The following ZFP1 variants were observed in gnomAD, a reference collection of about 807,000 sequenced individuals.
ZFP1 encodes zinc finger protein 1 homolog.
In ZFP1, 32 loss-of-function variants were observed where a neutral mutation model predicts 38.5. That is an observed-to-expected ratio of 0.83 (90% confidence interval 0.63 to 1.12). ZFP1 has a LOEUF of 1.12. Among genes scored for constraint, ZFP1 ranks in the 50% most tolerant of loss-of-function variants. The pLI is 0.00. For missense variants in ZFP1, 616 were observed against 480.8 expected (o/e 1.28, Z -2.63); for synonymous variants, 245 against 168.8 (o/e 1.45, Z -3.50).
chr16:75,126,619 T>G, the ZFP1 span, among the ~76,000 whole-genome samples: 395 of 152,286 alleles, frequency 2.6e-3, 1 homozygote, highest in African/African-American at 9.0e-3. Context: ...GGCCTGCTGG[T>G]CTCAAAATCC....
chr16:75,125,114 C>T, the ZFP1 span, among the ~76,000 whole-genome samples: 27 of 151,928 alleles, frequency 1.8e-4, no homozygotes, highest in East Asian at 4.7e-3. Context: ...CAAAAATTAG[C>T]CAGGCATGGT....
At chr16:75,120,404 G>A in the ZFP1 span, among the ~76,000 whole-genome samples, 2 of 152,108 alleles carry the variant, frequency 1.3e-5, no homozygotes, top group African/African-American at 4.8e-5. Flanking sequence ...CTCCCTTTAA[G>A]GGAGAAACCT....
At chr16:75,148,314 A>G (rs374881708), upstream of ZFP1, among the ~76,000 whole-genome samples, 7 of 152,312 alleles carry the variant, frequency 4.6e-5, no homozygotes, top group African/African-American at 1.7e-4. Flanking sequence ...GGGAAAAAAG[A>G]AAACAGTGCA....
the ZFP1 span, among the ~76,000 whole-genome samples, chr16:75,124,837 T>TA: frequency 7.2e-6 from 1 of 139,306 alleles, no homozygotes; most frequent in Non-Finnish European, 1.5e-5. Flanking sequence ...AAAAGAGATG[T>TA]AAAAAAAAGT....
intron 2 of ZFP1, among the ~76,000 whole-genome samples, chr16:75,154,019 C>G (rs2145509115): frequency 6.6e-6 from 1 of 152,164 alleles, no homozygotes; most frequent in South Asian, 2.1e-4. Context: ...AAGTTCAAGA[C>G]AATGCTGGCC....
At chr16:75,129,919 G>A in the ZFP1 span, among the ~76,000 whole-genome samples, 1 of 152,206 alleles carries the variant, frequency 6.6e-6, no homozygotes, top group Admixed American at 6.5e-5. Context: ...ACAAAAGGAA[G>A]GAAAGTACAC....
the ZFP1 span, among the ~76,000 whole-genome samples, chr16:75,143,152 C>G: frequency 6.6e-6 from 1 of 151,602 alleles, no homozygotes; most frequent in Non-Finnish European, 1.5e-5. Flanking sequence ...AACTAAATGG[C>G]AAATAAAAAA....
At chr16:75,140,013 A>T in the ZFP1 span, among the ~76,000 whole-genome samples, 3 of 152,294 alleles carry the variant, frequency 2.0e-5, no homozygotes, top group South Asian at 4.1e-4. Context: ...TCATGCCTGT[A>T]ATCCTCCCAT....
the ZFP1 span, among the ~76,000 whole-genome samples, chr16:75,129,641 G>A: frequency 2.0e-5 from 3 of 152,264 alleles, no homozygotes; most frequent in South Asian, 2.1e-4. Flanking sequence ...CAGAACCAAT[G>A]TTCATCTGAC....
the ZFP1 span, among the ~76,000 whole-genome samples, chr16:75,137,608 C>T: frequency 3.3e-5 from 5 of 151,438 alleles, no homozygotes; most frequent in Admixed American, 1.3e-4. Context: ...GGACTACAGG[C>T]GCCCACCACC....
At chr16:75,168,920 G>A (rs2038255788) in intron 3 of ZFP1, among the ~76,000 whole-genome samples, 2 of 152,134 alleles carry the variant, frequency 1.3e-5, no homozygotes, top group South Asian at 4.2e-4. Context: ...AGAACACTGT[G>A]AATCTCCCTC....
intron 3 of ZFP1, 26 bp from the exon 4 acceptor site, chr16:75,169,227 C>T (rs1253191811): frequency 6.4e-7 from 1 of 1,573,170 alleles, no homozygotes; most frequent in South Asian, 1.2e-5. Flanking sequence ...TGACAAGGTT[C>T]TTTTCATTGT....
Position 75,169,430 on chromosome 16 carries a change from A to C in ZFP1, c.320A>C (p.Asp107Ala). ...VSLRQVPYKY[D>A]LYEKTLKYNS... ...TTAAGACAAGTACCTTATAAATATGACTTATATGAAAAAACTTTGAAATAT... is the reference window on the plus strand; with the variant it reads ...TTAAGACAAGTACCTTATAAATATGCCTTATATGAAAAAACTTTGAAATAT... The change falls in exon 4 of 4, where the codon GAC (aspartate) becomes GCC (alanine). Residue 107 changes from aspartate (D) to alanine (A), a missense_variant. By Grantham distance (126) the Asp-to-Ala change is moderately radical. Transcript: ENST00000570010. The C allele has an allele frequency of 5.6e-6, 9 of 1,612,856 alleles. No individual in the cohort carries two copies. The highest frequency in any genetic ancestry group is 7.6e-6 in the Non-Finnish European group (9 of 1,179,706).
the ZFP1 span, among the ~76,000 whole-genome samples, chr16:75,139,387 A>AAC: frequency 6.6e-4 from 95 of 144,222 alleles, 1 homozygote; most frequent in African/African-American, 2.6e-3. Context: ...AAAAAAAAAA[A>AAC]AAAAAAAAAC....
intron 2 of ZFP1, among the ~76,000 whole-genome samples, chr16:75,156,638 C>G (rs1456325057): frequency 6.6e-6 from 1 of 152,010 alleles, no homozygotes; most frequent in African/African-American, 2.4e-5. Flanking sequence ...CATAGTTGGG[C>G]CGTGTGACAG....
intron 2 of ZFP1, among the ~76,000 whole-genome samples, chr16:75,165,520 G>A (rs1055538970): frequency 2.6e-5 from 4 of 151,834 alleles, no homozygotes; most frequent in Admixed American, 6.6e-5. Context: ...CCAGCCTCCC[G>A]AGTAGCTGGG....
the ZFP1 span, among the ~76,000 whole-genome samples, chr16:75,140,846 C>A: frequency 6.6e-6 from 1 of 152,062 alleles, no homozygotes; most frequent in Admixed American, 6.6e-5. Context: ...GTTGTCCCAG[C>A]TACTCGGAAG....
the ZFP1 span, among the ~76,000 whole-genome samples, chr16:75,124,659 C>T: frequency 1.0e-4 from 15 of 149,920 alleles, no homozygotes; most frequent in African/African-American, 2.2e-4. Flanking sequence ...TGGCGGCAGG[C>T]GCCTGTAGTC....
chr16:75,151,125 C>A (rs1465805542), intron 1 of ZFP1, among the ~76,000 whole-genome samples: 1 of 152,046 alleles, frequency 6.6e-6, no homozygotes, highest in Non-Finnish European at 1.5e-5. Context: ...TCCCAAAGTG[C>A]TGGGTTTACA....
Sources: gnomAD v4.1 joint callset for allele counts (sites outside exome capture counted in the v4.1 genomes callset) on GRCh38, gnomAD v4.1.1 for gene constraint, MANE v1.5 for transcripts, NCBI Gene and HGNC (gene_info 2026-07-23, HGNC 2026-07-21) for gene names.